The following PPP6R1 variants were observed in gnomAD, a reference collection of about 807,000 sequenced individuals.
PPP6R1 encodes the protein serine/threonine-protein phosphatase 6 regulatory subunit 1.
Under a neutral mutation model 104.6 loss-of-function variants are expected in PPP6R1, and 39 were observed. The ratio of observed to expected loss-of-function variants is 0.37; its 90% CI spans 0.29 to 0.49. The LOEUF is 0.49. Among genes scored for constraint, PPP6R1 ranks in the 20% least tolerant of loss-of-function variants. The pLI is 0.98. For missense variants in PPP6R1, 1,181 were observed against 1,155.8 expected, an observed-to-expected ratio of 1.02 and a Z score of -0.32; for synonymous variants, 549 against 479.0, an observed-to-expected ratio of 1.15 and a Z score of -1.91.
At chr19:55,232,415 G>A (rs760649950) in intron 17 of PPP6R1, 13 of 696,714 alleles carry the variant, frequency 1.9e-5, no homozygotes, top group Non-Finnish European at 2.7e-5. Context: ...ACACAGGCGG[G>A]CAGGGACAGA....
At chr19:55,240,158 A>T in intron 11 of PPP6R1, 44 bp from the exon 12 acceptor site, 1 of 1,561,720 alleles carries the variant, frequency 6.4e-7, no homozygotes, top group Non-Finnish European at 8.7e-7. Flanking sequence ...GACTGGACCC[A>T]GGGATGCCCA....
downstream of PPP6R1, chr19:55,228,992 G>C: frequency 2.1e-6 from 1 of 486,310 alleles, no homozygotes; most frequent in South Asian, 2.6e-5. Flanking sequence ...TATCTGCCTG[G>C]GGAGGTTAGG....
chr19:55,250,701 C>T (rs1466837644), intron 1 of PPP6R1, among the ~76,000 whole-genome samples: 2 of 152,172 alleles, frequency 1.3e-5, no homozygotes, highest in East Asian at 3.9e-4. Flanking sequence ...CCTGAGTTCT[C>T]CTCCAACCCA....
At chr19:55,236,317 T>G in intron 17 of PPP6R1, 7 of 256,428 alleles carry the variant, frequency 2.7e-5, no homozygotes, top group East Asian at 8.2e-5. Context: ...ACCATGCCCA[T>G]CTAACTTTTG....
chr19:55,251,804 G>C (rs923523999), intron 1 of PPP6R1, among the ~76,000 whole-genome samples: 1 of 152,176 alleles, frequency 6.6e-6, no homozygotes, highest in Admixed American at 6.5e-5. Context: ...GGAAGCGGGA[G>C]GGGGAATGGA....
chr19:55,245,385 C>T lies in PPP6R1; in HGVS notation c.432G>A (p.Arg144=), dbSNP rs1286442895. The stretch of plus-strand genomic sequence containing the variant: ...GCAGGTCCACGAAGTCATCCTTCTT[C>T]CGAAGAAAGGACACGAGCTGGGGGC... The part of the protein sequence containing the change: ...RKTDQLVSFL[R]KKDDFVDLLL... Residue 144 remains arginine, a synonymous_variant, in exon 4 of 24, where the codon CGG becomes CGA. Coordinates refer to ENST00000412770, the MANE Select transcript of PPP6R1 (RefSeq NM_014931.4). This position sits in a 1 kb window ranked among gnomAD's most constrained non-coding sequence, Gnocchi z 6.4. The T allele has an allele frequency of 6.2e-7, 1 of 1,613,526 alleles. No individual in the cohort carries two copies. The highest frequency in any genetic ancestry group is 2.2e-5 in the East Asian group (1 of 44,864).
chr19:55,240,224 G>A lies in PPP6R1; in HGVS notation c.1361+12C>T. 1 of 1,583,592 alleles carries A rather than the reference G, an allele frequency of 6.3e-7. No homozygotes were observed. The highest frequency in any genetic ancestry group is 1.7e-4 in the Middle Eastern group (1 of 6,024). On this transcript the variant is annotated intron_variant, in intron 11 of 23. Coordinates refer to ENST00000412770, the MANE Select transcript of PPP6R1 (RefSeq NM_014931.4). Reference sequence around the variant, plus strand: ...CCAGCCCCTGGAGACATGAAGGGCAGCAGGTGCTCACTGTACACGGTCGTT... The same window carrying A: ...CCAGCCCCTGGAGACATGAAGGGCAACAGGTGCTCACTGTACACGGTCGTT...
At chr19:55,242,086 G>T in intron 7 of PPP6R1, 80 bp downstream of exon 7, 1 of 1,352,268 alleles carries the variant, frequency 7.4e-7, no homozygotes, top group Non-Finnish European at 1.0e-6. Flanking sequence ...TCTCTTGGTG[G>T]ACACCGAGAC....
At position 55,240,006 on chromosome 19, in the gene PPP6R1, C is replaced by T. The variant is rs746210090; in HGVS notation, c.1470G>A (p.Leu490=). Residue 490 remains leucine (L), a synonymous_variant, in exon 12 of 24, where the codon CTG becomes CTA. Coordinates refer to ENST00000412770, the MANE Select transcript of PPP6R1 (RefSeq NM_014931.4). ...CGGCCTGGGGACCCTCACCCTTCAG[C>T]AGCTGCCGCAGCTGCTCTGCATTGG... ...KGPNAEQLRQ[L]LKELPSEQQE... 1.0e-5 allele frequency: 16 copies of T among 1,602,302 alleles called. No homozygotes were observed. Among genetic ancestry groups the T allele is most frequent in the Non-Finnish European group, 1.4e-5 (16 of 1,175,270 alleles).
Position 55,242,426 on chromosome 19 carries a change from G to C in PPP6R1, c.681C>G (p.Ile227Met). ...DIIRLSREQMIQVQDSPEPDQ... is the reference protein window; with the variant it reads ...DIIRLSREQMMQVQDSPEPDQ... ...CAGGCTCTGGGCTGTCCTGGACTTG[G>C]ATCATCTGCTCCCGGCTCAGGCGGA... Residue 227 changes from isoleucine (I) to methionine (M), a missense_variant, in exon 6 of 24, where the codon ATC (isoleucine) becomes ATG (methionine). By Grantham distance (10) the Ile-to-Met change is conservative. Transcript: ENST00000412770. 2 of 1,614,032 alleles carry C rather than the reference G, an allele frequency of 1.2e-6. No individual in the cohort carries two copies. The highest frequency in any genetic ancestry group is 2.2e-5 in the South Asian group (2 of 91,082).
At chr19:55,244,636 C>T (rs937889058) in intron 5 of PPP6R1, among the ~76,000 whole-genome samples, 1 of 152,262 alleles carries the variant, frequency 6.6e-6, no homozygotes, top group African/African-American at 2.4e-5. Context: ...CTTTCCAGCA[C>T]TTTCGGAGGC....
intron 1 of PPP6R1, among the ~76,000 whole-genome samples, chr19:55,253,144 T>A (rs1484699137): frequency 2.0e-5 from 3 of 152,224 alleles, no homozygotes. Flanking sequence ...CAAGCCAGCA[T>A]CTGTAGAAAA....
At chr19:55,236,187 C>G (rs2087397285) in intron 17 of PPP6R1, 1 of 157,174 alleles carries the variant, frequency 6.4e-6, no homozygotes. Context: ...ACAAGTCTGG[C>G]TCTGTTGCCC....
intron 1 of PPP6R1, among the ~76,000 whole-genome samples, chr19:55,253,041 C>T (rs2087565892): frequency 1.3e-5 from 2 of 152,160 alleles, no homozygotes; most frequent in Non-Finnish European, 2.9e-5. Flanking sequence ...AGCCCTGGGG[C>T]ACTCACCCAG....
At chr19:55,250,993 T>G (rs2087549197) in intron 1 of PPP6R1, among the ~76,000 whole-genome samples, 1 of 152,220 alleles carries the variant, frequency 6.6e-6, no homozygotes, top group South Asian at 2.1e-4. Context: ...CCTTCTGTTT[T>G]CAGAACACAC....
intron 6 of PPP6R1, 43 bp from the exon 7 acceptor site, chr19:55,242,322 C>T: frequency 6.2e-7 from 1 of 1,612,736 alleles, no homozygotes; most frequent in Non-Finnish European, 8.5e-7. Flanking sequence ...GGCCAGGGGC[C>T]CAGGGCTTCC....
intron 1 of PPP6R1, among the ~76,000 whole-genome samples, chr19:55,257,330 A>C (rs2087600614): frequency 6.6e-6 from 1 of 152,192 alleles, no homozygotes; most frequent in Non-Finnish European, 1.5e-5. Context: ...ACAACTGTGA[A>C]CCCAGTACCG....
At chr19:55,257,101 CA>C (rs2087599073) in intron 1 of PPP6R1, among the ~76,000 whole-genome samples, 3 of 145,432 alleles carry the variant, frequency 2.1e-5, no homozygotes, top group Admixed American at 2.0e-4. Context: ...AAAAAAAAAG[CA>C]TAACATTTTC....
rs2087340523 is a variant in PPP6R1, at chr19:55,231,072, G to C, written c.2460-188C>G. 1.6e-5 allele frequency: 10 copies of C among 623,704 alleles called. No individual in the cohort carries two copies. In the South Asian group the frequency reaches 1.9e-4, roughly 12 times the overall value. 38.6% of individuals were successfully genotyped at this position (623,704 alleles called of 1,614,324 possible). A position where few individuals can be genotyped will look rare whatever the true frequency, so the allele number is the denominator to read the frequency against. ...AGCACAGCCCTGGACAGGAAGACAA[G>C]CACCCCTCTTCCCGCCTCCTGTCCC... On this transcript the variant is annotated intron_variant, in intron 21 of 23. Coordinates refer to ENST00000412770, the MANE Select transcript of PPP6R1 (RefSeq NM_014931.4).
Sources: gnomAD v4.1 joint callset for allele counts (sites outside exome capture counted in the v4.1 genomes callset) on GRCh38, gnomAD v4.1.1 for gene constraint, Gnocchi (gnomAD v3.1) non-coding constraint, MANE v1.5 for transcripts, NCBI Gene and HGNC (gene_info 2026-07-23, HGNC 2026-07-21) for gene names.